Variants in ARSF observed in about 807,000 individuals in gnomAD.
The protein encoded by ARSF is arylsulfatase F.
A neutral mutation model predicts 35.4 loss-of-function variants in ARSF; 33 were observed. The ratio of observed to expected loss-of-function variants is 0.93; its 90% CI spans 0.71 to 1.25. The LOEUF is 1.25. Ranked by LOEUF, ARSF falls within the 50% of genes most tolerant of loss-of-function variation. ARSF has a pLI of 0.00. For synonymous variants in ARSF, 222 were observed against 193.1 expected (o/e 1.15, Z -1.24); for missense variants, 501 against 480.2 (o/e 1.04, Z -0.40).
Position 3,084,327 on chromosome X carries a change from G to A in ARSF, c.491G>A (p.Gly164Asp), listed in dbSNP as rs1485629840. The change falls in exon 6 of 11, where the codon GGC (glycine) becomes GAC (aspartate). Residue 164 changes from glycine (G) to aspartate (D), a missense_variant. Physicochemically the swap from Gly to Asp is moderately conservative, Grantham distance 94 (BLOSUM62 -1). Coordinates refer to ENST00000381127, the MANE Select transcript of ARSF (RefSeq NM_001201539.2). ...AATTATGGGTTTGACTACTACTATG[G>A]CATGCCGTTCACTCTCGTTGACAGC... is the stretch of plus-strand genomic sequence containing the variant. ...PYNYGFDYYY[G>D]MPFTLVDSCW... The A allele has an allele frequency of 1.7e-6, 2 of 1,211,612 alleles. No individual in the cohort carries two copies. The highest frequency in any genetic ancestry group is 4.4e-5 in the Admixed American group (2 of 45,933).
chrX:3,058,563 T>C, intron 1 of ARSF: 1 of 314,349 alleles, frequency 3.2e-6, no homozygotes, highest in Non-Finnish European at 6.2e-6. Flanking sequence ...TCAAGATCAG[T>C]AAATCTAGGC....
At chrX:3,080,478 A>AC (rs2090192702) in intron 4 of ARSF, among the ~76,000 whole-genome samples, 1 of 109,989 alleles carries the variant, frequency 9.1e-6, no homozygotes, top group South Asian at 4.0e-4. Context: ...ATCTCAAAAA[A>AC]AAAAAAAGAT....
chrX:3,103,637 T>C, intron 8 of ARSF, 125 bp from the exon 9 acceptor site: 1 of 805,910 alleles, frequency 1.2e-6, no homozygotes, highest in Non-Finnish European at 1.8e-6. Flanking sequence ...CCACTAGGAC[T>C]CTACATAGAG....
chrX:3,092,996 C>A (rs754385802), intron 7 of ARSF, among the ~76,000 whole-genome samples: 22 of 110,994 alleles, frequency 2.0e-4, no homozygotes, highest in African/African-American at 6.6e-4. Flanking sequence ...CACTGTGAAA[C>A]CCCGTCTCTA....
intron 7 of ARSF, among the ~76,000 whole-genome samples, chrX:3,092,673 A>C (rs1424483451): frequency 4.4e-5 from 5 of 112,606 alleles, no homozygotes; most frequent in Non-Finnish European, 9.4e-5. Context: ...TTTTGTCCAC[A>C]CAGCCAGAAT....
chrX:3,087,300 T>A (rs2090255371), intron 6 of ARSF, among the ~76,000 whole-genome samples: 1 of 111,873 alleles, frequency 8.9e-6, no homozygotes, highest in African/African-American at 3.2e-5. Context: ...ACTATTTAAT[T>A]TTAAATATTT....
chrX:3,099,519 G>A (rs1050288291), intron 7 of ARSF, among the ~76,000 whole-genome samples: 4 of 111,236 alleles, frequency 3.6e-5, no homozygotes, highest in Admixed American at 9.7e-5. Context: ...AATTGGGTTG[G>A]TTTGACATTT....
chrX:3,079,851 C>T (rs1040548008), intron 4 of ARSF, among the ~76,000 whole-genome samples: 2 of 105,206 alleles, frequency 1.9e-5, no homozygotes, highest in Admixed American at 1.0e-4. Flanking sequence ...CCCAGCTACT[C>T]GGGAGGCTGA....
At position 3,089,510 on chromosome X, in the gene ARSF, C is replaced by G. The variant is rs2090273083; in HGVS notation, c.845C>G (p.Thr282Ser). 8.3e-7 allele frequency: 1 copy of G among 1,211,058 alleles called. No individual in the cohort carries two copies. Among genetic ancestry groups the G allele is most frequent in the East Asian group, 3.0e-5 (1 of 33,811 alleles). The change falls in exon 7 of 11, where the codon ACT becomes AGT. Residue 282 changes from threonine to serine, a missense_variant. Transcript: ENST00000381127. ...ISFLERHSKETFLLFFSFLHV... is the reference protein window; with the variant it reads ...ISFLERHSKESFLLFFSFLHV... ...TGTCTTCTCAGGCACAGTAAGGAAA[C>G]TTTCCTTCTCTTTTTCTCCTTTCTT...
chrX:3,106,821 A>G (rs1184515536), intron 9 of ARSF, among the ~76,000 whole-genome samples: 2 of 111,819 alleles, frequency 1.8e-5, no homozygotes, highest in African/African-American at 6.5e-5. Flanking sequence ...TGAGGATGCA[A>G]TGGTTTATCA....
intron 1 of ARSF, among the ~76,000 whole-genome samples, chrX:3,065,955 T>A (rs2090064141): frequency 9.0e-6 from 1 of 110,801 alleles, no homozygotes; most frequent in Non-Finnish European, 1.9e-5. Flanking sequence ...ATCCATGGAC[T>A]AGTGGGTGCC....
intron 5 of ARSF, among the ~76,000 whole-genome samples, chrX:3,081,416 A>C (rs1014914627): frequency 2.0e-4 from 22 of 111,566 alleles, no homozygotes; most frequent in African/African-American, 7.2e-4. Context: ...GGCTCACTGC[A>C]ACCTCCATCT....
At chrX:3,077,789 T>TTTATTTATTA (rs1555919571) in intron 4 of ARSF, among the ~76,000 whole-genome samples, 5 of 92,216 alleles carry the variant, frequency 5.4e-5, no homozygotes, top group South Asian at 1.2e-3. Flanking sequence ...TTTTATTTTA[T>TTTATTTATTA]TTATTATTAT....
At chrX:3,081,868 C>G (rs1029283429) in intron 5 of ARSF, among the ~76,000 whole-genome samples, 2 of 111,335 alleles carry the variant, frequency 1.8e-5, no homozygotes, top group South Asian at 3.9e-4. Context: ...GTTTGGGAAG[C>G]CTGGGTTTCA....
chrX:3,088,205 G>C (rs949185334), intron 6 of ARSF, among the ~76,000 whole-genome samples: 14 of 111,648 alleles, frequency 1.3e-4, no homozygotes, highest in Non-Finnish European at 2.6e-4. Context: ...CTGGCTTATG[G>C]CTCGTGAAAC....
rs746879026 is a variant in ARSF, at chrX:3,084,574, C to T, written c.738C>T (p.Leu246=). The part of the protein sequence containing the change: ...SHTSPLYWDC[L]LMRGHEITEQ... ...CGTCCCCTTTATACTGGGACTGCCT[C>T]CTCATGCGGGGGCACGAGATCACGG... Residue 246 remains leucine, a synonymous_variant, in exon 6 of 11, where the codon CTC becomes CTT. Transcript: ENST00000381127. The T allele has an allele frequency of 5.8e-6, 7 of 1,209,378 alleles. No homozygotes were observed. In the East Asian group the frequency reaches 1.5e-4, roughly 26 times the overall value.
chrX:3,072,321 AT>A, intron 3 of ARSF, 146 bp downstream of exon 3: 1 of 527,338 alleles, frequency 1.9e-6, no homozygotes, highest in Non-Finnish European at 3.0e-6. Context: ...GTTTTAAATT[AT>A]TTAGATTATG....
At chrX:3,057,128 C>A (rs2090021753) in intron 1 of ARSF, among the ~76,000 whole-genome samples, 1 of 112,040 alleles carries the variant, frequency 8.9e-6, no homozygotes, top group Non-Finnish European at 1.9e-5. Context: ...AACACCCTAG[C>A]AGGTTGCTTA....
At chrX:3,062,802 G>A (rs990206986) in intron 1 of ARSF, among the ~76,000 whole-genome samples, 1 of 111,464 alleles carries the variant, frequency 9.0e-6, no homozygotes, top group Non-Finnish European at 1.9e-5. Flanking sequence ...TGAAATTGAG[G>A]CAATAATTAA....
Sources: gnomAD v4.1 joint callset for allele counts (sites outside exome capture counted in the v4.1 genomes callset) on GRCh38, gnomAD v4.1.1 for gene constraint, MANE v1.5 for transcripts, NCBI Gene and HGNC (gene_info 2026-07-23, HGNC 2026-07-21) for gene names.